The following ADGRL3 variants were observed in gnomAD, a reference collection of about 807,000 sequenced individuals.
The protein encoded by ADGRL3 is adhesion G protein-coupled receptor L3, also known as calcium-independent alpha-latrotoxin receptor 3.
Under a neutral mutation model 153.5 loss-of-function variants are expected in ADGRL3, and 62 were observed. That is an observed-to-expected ratio of 0.40 (90% CI 0.33 to 0.50). The LOEUF (loss-of-function observed/expected upper bound fraction) is 0.50, where lower values mean the gene tolerates loss of function less well. Among genes scored for constraint, ADGRL3 ranks in the 20% least tolerant of loss-of-function variants. The pLI, the probability that ADGRL3 is intolerant of heterozygous loss-of-function variation, is 0.47. For missense variants in ADGRL3, 1,641 were observed against 1,859.4 expected, an observed-to-expected ratio of 0.88 and a Z score of 2.16; for synonymous variants, 710 against 672.5, an observed-to-expected ratio of 1.06 and a Z score of -0.86.
intron 17 of ADGRL3, among the ~76,000 whole-genome samples, chr4:61,951,540 T>C (rs2098947284): frequency 6.6e-6 from 1 of 152,162 alleles, no homozygotes; most frequent in Admixed American, 6.5e-5. Flanking sequence ...CCCAATTCTA[T>C]GTGGATGATA....
intron 2 of ADGRL3, among the ~76,000 whole-genome samples, chr4:61,459,957 C>T (rs1277285481): frequency 6.6e-6 from 1 of 151,994 alleles, no homozygotes; most frequent in Non-Finnish European, 1.5e-5. Flanking sequence ...TGTCAAGTTC[C>T]TTGTATATTT....
Position 61,534,419 on chromosome 4 carries a change from G to C in ADGRL3, c.259+16901G>C, listed in dbSNP as rs116252482. Among the ~76,000 whole-genome samples, 496 of 152,170 alleles carry C rather than the reference G, an allele frequency of 3.3e-3. 4 individuals carry two copies. Among genetic ancestry groups the C allele is most frequent in the Non-Finnish European group, 6.0e-3 (407 of 67,968 alleles). ...TTGTTTGGAATGCGTTAGCTATTCA[G>C]CCTCTTTTTTGATTCCGTATAAATT... On this transcript the variant is annotated intron_variant, in intron 4 of 26. Transcript: ENST00000683033.
intron 9 of ADGRL3, among the ~76,000 whole-genome samples, chr4:61,832,186 C>A (rs2097879361): frequency 6.6e-6 from 1 of 152,016 alleles, no homozygotes; most frequent in African/African-American, 2.4e-5. Context: ...AGGGGCCAAG[C>A]AGTTTAGGCT....
chr4:61,643,956 A>C (rs1212349105), intron 5 of ADGRL3, among the ~76,000 whole-genome samples: 94 of 122,036 alleles, frequency 7.7e-4, no homozygotes, highest in African/African-American at 2.8e-3. Flanking sequence ...GATTATTGCC[A>C]CAATTTCAGA....
At chr4:61,424,971 G>T (rs1309792112) in intron 2 of ADGRL3, among the ~76,000 whole-genome samples, 1 of 152,104 alleles carries the variant, frequency 6.6e-6, no homozygotes, top group African/African-American at 2.4e-5. Context: ...CCATCCCCAG[G>T]TACAAGGGCC....
intron 5 of ADGRL3, among the ~76,000 whole-genome samples, chr4:61,607,473 G>A (rs1406324496): frequency 1.3e-5 from 2 of 152,026 alleles, no homozygotes; most frequent in East Asian, 1.9e-4. Flanking sequence ...GGTGGTGCAC[G>A]CCTGTAGTCC....
At chr4:61,625,527 T>C (rs1202361575) in intron 5 of ADGRL3, among the ~76,000 whole-genome samples, 3 of 152,070 alleles carry the variant, frequency 2.0e-5, no homozygotes, top group Non-Finnish European at 4.4e-5. Context: ...GTTGCTAATT[T>C]ATAATTTCTC....
At chr4:61,852,877 A>G (rs889237496) in intron 9 of ADGRL3, among the ~76,000 whole-genome samples, 3 of 151,824 alleles carry the variant, frequency 2.0e-5, no homozygotes, top group African/African-American at 4.8e-5. Context: ...TGTTTAGAGC[A>G]TGTTACTTTT....
At chr4:62,062,646 G>T (rs1229799293) in intron 25 of ADGRL3, among the ~76,000 whole-genome samples, 1 of 152,010 alleles carries the variant, frequency 6.6e-6, no homozygotes, top group Non-Finnish European at 1.5e-5. Context: ...TTGGAGGATG[G>T]AAAGTTGCAA....
chr4:62,070,333 A>C lies in ADGRL3; in HGVS notation c.4057A>C (p.Ser1353Arg), dbSNP rs1745202123. 4 of 1,553,074 alleles carry C rather than the reference A, an allele frequency of 2.6e-6. No individual in the cohort carries two copies. The Admixed American group carries it at 7.8e-5, about 30-fold the overall frequency. ...PSYLNNHERS[S>R]EQNRNLMNKL... ...TTACCTGAACAACCATGAGCGCTCCAGTGAACAGAACAGGAATCTGATGAA... is the reference window on the plus strand; with the variant it reads ...TTACCTGAACAACCATGAGCGCTCCCGTGAACAGAACAGGAATCTGATGAA... Residue 1353 changes from serine (S) to arginine (R), a missense_variant, in exon 27 of 27, where the codon AGT becomes CGT. By Grantham distance (110) the Ser-to-Arg change is moderately radical (BLOSUM62 -1). This residue lies in a region of ADGRL3 where 517 missense variants were observed against 555.0 expected (regional missense o/e 0.93). Transcript: ENST00000683033.
intron 2 of ADGRL3, among the ~76,000 whole-genome samples, chr4:61,390,239 A>G (rs906807322): frequency 6.6e-6 from 1 of 152,092 alleles, no homozygotes; most frequent in African/African-American, 2.4e-5. Context: ...TCTTATTTTT[A>G]TGGCTAAACC....
intron 4 of ADGRL3, among the ~76,000 whole-genome samples, chr4:61,556,239 G>A (rs533987824): frequency 1.3e-5 from 2 of 152,274 alleles, no homozygotes; most frequent in South Asian, 2.1e-4. Flanking sequence ...GATCTATTGG[G>A]AGTTTGCAAA....
At chr4:61,422,840 T>C (rs1368383794) in intron 2 of ADGRL3, among the ~76,000 whole-genome samples, 1 of 151,618 alleles carries the variant, frequency 6.6e-6, no homozygotes, top group African/African-American at 2.4e-5. Flanking sequence ...TTCTTAGAAA[T>C]ATGTATGATT....
At chr4:62,037,982 C>A in intron 24 of ADGRL3, 126 bp downstream of exon 24, 2 of 983,302 alleles carry the variant, frequency 2.0e-6, no homozygotes, top group Non-Finnish European at 3.0e-6. Flanking sequence ...CACTGTGTCT[C>A]ACATGGGAAT....
intron 1 of ADGRL3, among the ~76,000 whole-genome samples, chr4:61,375,404 T>C (rs572676239): frequency 6.6e-6 from 1 of 152,232 alleles, no homozygotes; most frequent in Admixed American, 6.5e-5. Context: ...AATTTTAAAT[T>C]TCTTGCTCAA....
At chr4:61,910,276 C>A (rs2098716213) in intron 12 of ADGRL3, among the ~76,000 whole-genome samples, 1 of 151,954 alleles carries the variant, frequency 6.6e-6, no homozygotes, top group African/African-American at 2.4e-5. Context: ...AAATTAATTT[C>A]TACTTCCTTT....
chr4:61,530,426 T>C (rs1396564343), intron 4 of ADGRL3, among the ~76,000 whole-genome samples: 2 of 152,112 alleles, frequency 1.3e-5, no homozygotes, highest in African/African-American at 4.8e-5. Context: ...ATATGGATAT[T>C]TGAACTATTT....
At chr4:61,434,547 A>G (rs1447776874) in intron 2 of ADGRL3, among the ~76,000 whole-genome samples, 2 of 152,112 alleles carry the variant, frequency 1.3e-5, no homozygotes, top group Non-Finnish European at 2.9e-5. Context: ...TGTAGTCAGA[A>G]TAGATAATGG....
intron 4 of ADGRL3, among the ~76,000 whole-genome samples, chr4:61,536,203 G>T (rs2098654826): frequency 6.6e-6 from 1 of 151,998 alleles, no homozygotes; most frequent in African/African-American, 2.4e-5. Flanking sequence ...AGAGTTCCCT[G>T]TGGAACTGGT....
Sources: allele counts gnomAD v4.1 joint callset (sites outside exome capture counted in the v4.1 genomes callset), GRCh38; gene constraint gnomAD v4.1.1; regional missense constraint gnomAD v4.1.1; transcripts MANE v1.5; gene names NCBI Gene and HGNC (gene_info 2026-07-23, HGNC 2026-07-21).